CACNB4: variants seen among roughly 807,000 people sequenced by gnomAD.
The protein encoded by CACNB4 is calcium voltage-gated channel auxiliary subunit beta 4.
A neutral mutation model predicts 71.2 loss-of-function variants in CACNB4; 32 were observed. The ratio of observed to expected loss-of-function variants is 0.45; its 90% CI spans 0.34 to 0.60. The LOEUF (loss-of-function observed/expected upper bound fraction) is 0.60. CACNB4 is among the 20% of genes least tolerant of loss of function. The pLI is 0.01. For synonymous variants in CACNB4, 231 were observed against 236.9 expected (o/e 0.97, Z 0.23); for missense variants, 464 against 647.9 (o/e 0.72, Z 3.08).
In CACNB4 at chr2:151,875,519, A is replaced by G. The variant is rs1436834916; in HGVS notation, c.521+907T>C. ...CAATGAGCTGTTGGGTACACCTCCC[A>G]GACGGGGTGGTGGCCGGGCAGAGGG... On this transcript the variant is annotated intron_variant, in intron 5 of 13. Transcript: ENST00000539935. 4.4e-3 allele frequency among the ~76,000 whole-genome samples: 673 copies of G among 151,526 alleles called. 6 individuals are homozygous for G. Among genetic ancestry groups the G allele is most frequent in the African/African-American group, 0.015 (634 of 41,138 alleles).
chr2:151,869,120 T>C (rs2099843941), intron 9 of CACNB4, 57 bp downstream of exon 9: 5 of 982,282 alleles, frequency 5.1e-6, no homozygotes, highest in Non-Finnish European at 6.3e-6. Flanking sequence ...CAATTCAATT[T>C]ATCACACAAG....
In CACNB4 at chr2:151,936,338, GT is replaced by G. The variant is rs1410273495; in HGVS notation, c.148-52969del. 2.0e-5 allele frequency: 3 copies of G among 152,194 alleles called. No individual in the cohort carries two copies. The South Asian group carries it at 6.2e-4, about 31-fold the overall frequency. The allele number at this position is 152,194 out of a possible 1,614,324, so 9.4% of individuals were successfully genotyped here. ...TTCTTGCAAGGAAAGATCATGTTTA[GT>G]CTCCCAGGAACATTCAGAGATCATA... On this transcript the variant is annotated intron_variant, in intron 2 of 13. Transcript: ENST00000539935.
At chr2:151,910,909 T>C (rs2099856000) in intron 2 of CACNB4, among the ~76,000 whole-genome samples, 1 of 152,244 alleles carries the variant, frequency 6.6e-6, no homozygotes, top group African/African-American at 2.4e-5. Context: ...ATTTTCACAA[T>C]ATTGATTCTT....
chr2:152,024,853 C>G (rs1326755207), intron 2 of CACNB4, among the ~76,000 whole-genome samples: 1 of 152,072 alleles, frequency 6.6e-6, no homozygotes, highest in Non-Finnish European at 1.5e-5. Flanking sequence ...GTCAGGAGTT[C>G]AAGACCAGCC....
Position 152,043,309 on chromosome 2 carries a change from C to T in CACNB4, c.147+55021G>A, listed in dbSNP as rs113178800. Among the ~76,000 whole-genome samples the T allele has an allele frequency of 9.7e-3, 1,484 of 152,272 alleles. 25 individuals carry two copies. Among genetic ancestry groups the T allele is most frequent in the African/African-American group, 0.034 (1,423 of 41,546 alleles). Reference sequence around the variant, plus strand: ...CTTGTGCAAGATCCAAGAACGTTCTCTTGGGGTCTGCATTGTGACCCCTTT... The same window carrying T: ...CTTGTGCAAGATCCAAGAACGTTCTTTTGGGGTCTGCATTGTGACCCCTTT... On this transcript the variant is annotated intron_variant, in intron 2 of 13. Transcript: ENST00000539935.
At chr2:152,041,042 C>T (rs1005739542) in intron 2 of CACNB4, among the ~76,000 whole-genome samples, 2 of 152,194 alleles carry the variant, frequency 1.3e-5, no homozygotes, top group Non-Finnish European at 2.9e-5. Context: ...GCCTTTTGGG[C>T]CCTTTGGGAG....
intron 2 of CACNB4, among the ~76,000 whole-genome samples, chr2:151,909,597 T>C (rs763925174): frequency 6.6e-6 from 1 of 151,504 alleles, no homozygotes; most frequent in African/African-American, 2.4e-5. Context: ...AGGCCCTGTG[T>C]GTGTTGTTCC....
rs79470866 is a variant in CACNB4 at position 151,838,967 on chromosome 2, AT to A, written c.*151del. 14,386 of 458,674 alleles carry A rather than the reference AT, an allele frequency of 0.031. 175 individuals carry two copies. The highest frequency in any genetic ancestry group is 0.15 in the East Asian group (4,147 of 27,294). The allele number at this position is 458,674 out of a possible 1,614,324, so 28.4% of individuals were successfully genotyped here. ...CATCTAGACTCAAGGGCATAATGTA[AT>A]TTTTTTTTTTGCCCCTTACTTAGCA... On this transcript the variant is annotated 3_prime_UTR_variant, in exon 14 of 14. Transcript: ENST00000539935.
intron 2 of CACNB4, among the ~76,000 whole-genome samples, chr2:152,024,184 A>G (rs942110552): frequency 6.6e-6 from 1 of 152,290 alleles, no homozygotes; most frequent in South Asian, 2.1e-4. Context: ...TTAGCCAGGT[A>G]TGGTGTCACG....
At chr2:151,868,293 G>A (rs1057276361) in intron 9 of CACNB4, 1 of 152,236 alleles carries the variant, frequency 6.6e-6, no homozygotes, top group African/African-American at 2.4e-5. Context: ...AGAATGTGAT[G>A]TTTTTCTTCA....
intron 2 of CACNB4, among the ~76,000 whole-genome samples, chr2:152,035,630 C>CTCT (rs1553818021): frequency 9.6e-5 from 9 of 93,288 alleles, no homozygotes; most frequent in South Asian, 4.3e-4. Context: ...CCTCCCTCTC[C>CTCT]CTCTCTCTCT....
At chr2:152,065,982 GA>G (rs1686296168) in intron 2 of CACNB4, among the ~76,000 whole-genome samples, 1 of 152,142 alleles carries the variant, frequency 6.6e-6, no homozygotes, top group Admixed American at 6.6e-5. Flanking sequence ...AGAAATAATA[GA>G]AAACAAAGAA....
chr2:151,890,328 G>A (rs1427310628), intron 2 of CACNB4, among the ~76,000 whole-genome samples: 1 of 152,146 alleles, frequency 6.6e-6, no homozygotes, highest in Non-Finnish European at 1.5e-5. Flanking sequence ...AGTCGTCAAG[G>A]GTAGCAAAGG....
At position 151,837,584 on chromosome 2, in the gene CACNB4, G is replaced by A. The variant is rs950169464; in HGVS notation, c.*1535C>T. The A allele has an allele frequency of 4.6e-5, 7 of 151,804 alleles. No individual in the cohort carries two copies. The highest frequency in any genetic ancestry group is 1.0e-4 in the Non-Finnish European group (7 of 67,876). 9.4% of individuals were successfully genotyped at this position (151,804 alleles called of 1,614,324 possible). On this transcript the variant is annotated 3_prime_UTR_variant, in exon 14 of 14. Transcript: ENST00000539935. ...TATGGCTGGACTTATTGGGGTTTTA[G>A]AAAATGCATGCACTATGGACATTTA...
chr2:151,884,004 T>G (rs2099848627), intron 2 of CACNB4: 1 of 161,612 alleles, frequency 6.2e-6, no homozygotes, highest in Non-Finnish European at 1.4e-5. Context: ...AGAAGAGCTA[T>G]TTAAACAGCA....
intron 2 of CACNB4, among the ~76,000 whole-genome samples, chr2:152,037,641 G>A (rs1173420027): frequency 6.6e-6 from 1 of 152,182 alleles, no homozygotes; most frequent in Admixed American, 6.5e-5. Flanking sequence ...TTCTTGCTTA[G>A]ACCAAAAGCA....
chr2:151,887,781 G>A (rs1412443008), intron 2 of CACNB4, among the ~76,000 whole-genome samples: 1 of 152,152 alleles, frequency 6.6e-6, no homozygotes, highest in Admixed American at 6.5e-5. Context: ...ACCTTGTAGA[G>A]TTTCCTGGTG....
intron 2 of CACNB4, among the ~76,000 whole-genome samples, chr2:151,904,529 G>C (rs1408085182): frequency 1.4e-5 from 2 of 139,522 alleles, no homozygotes; most frequent in African/African-American, 5.2e-5. Flanking sequence ...GTAACAATTA[G>C]AGATAACTCT....
chr2:151,885,376 C>G (rs1316077157), intron 2 of CACNB4, among the ~76,000 whole-genome samples: 1 of 152,184 alleles, frequency 6.6e-6, no homozygotes, highest in East Asian at 1.9e-4. Flanking sequence ...TGAATCCTTG[C>G]AGCAGTGGGA....
Sources: allele counts gnomAD v4.1 joint callset (sites outside exome capture counted in the v4.1 genomes callset), GRCh38; gene constraint gnomAD v4.1.1; transcripts MANE v1.5; gene names NCBI Gene and HGNC (gene_info 2026-07-23, HGNC 2026-07-21).